OLFM3: variants seen among roughly 807,000 people sequenced by gnomAD.
OLFM3 encodes noelin-3.
A neutral mutation model predicts 48.6 loss-of-function variants in OLFM3; 20 were observed. That is an observed-to-expected ratio of 0.41 (90% CI 0.29 to 0.60). The LOEUF is 0.60. Ranked by LOEUF, OLFM3 falls within the 20% of genes least tolerant of loss-of-function variation. The pLI is 0.28. For missense variants in OLFM3, 437 were observed against 544.3 expected (o/e 0.80, Z 1.96); for synonymous variants, 222 against 198.1 (o/e 1.12, Z -1.01).
intron 1 of OLFM3, among the ~76,000 whole-genome samples, chr1:101,965,778 T>C (rs1244025442): frequency 6.6e-6 from 1 of 152,216 alleles, no homozygotes. Flanking sequence ...ATATTTTATG[T>C]ACTGAAGAGT....
At chr1:101,960,700 T>G (rs1660442108) in intron 1 of OLFM3, among the ~76,000 whole-genome samples, 1 of 152,176 alleles carries the variant, frequency 6.6e-6, no homozygotes, top group Non-Finnish European at 1.5e-5. Context: ...CTCTTTTGAT[T>G]GGCACATTCT....
At position 101,994,765 on chromosome 1, in the gene OLFM3, T is replaced by A. The variant is rs560144397; in HGVS notation, c.69+1983A>T. Among the ~76,000 whole-genome samples, 31 of 151,990 alleles carry A rather than the reference T, an allele frequency of 2.0e-4. 1 individual carries two copies. Among genetic ancestry groups the A allele is most frequent in the African/African-American group, 7.2e-4 (30 of 41,530 alleles). ...ATGATATAGAACAAATATCGTCTTT[T>A]AAAAAAATCATCTTTTGTTCTTTGC... On this transcript the variant is annotated intron_variant, in intron 1 of 5. Coordinates refer to ENST00000370103, the MANE Select transcript of OLFM3 (RefSeq NM_058170.4).
intron 1 of OLFM3, chr1:101,893,460 C>A: frequency 7.3e-6 from 2 of 275,692 alleles, no homozygotes; most frequent in Non-Finnish European, 7.6e-6. Context: ...TCTAGAAATT[C>A]ATATTGACAA....
chr1:101,897,836 G>T (rs976869063), intron 1 of OLFM3, among the ~76,000 whole-genome samples: 2 of 152,042 alleles, frequency 1.3e-5, no homozygotes, highest in Non-Finnish European at 2.9e-5. Context: ...ATGATTTCTA[G>T]AGTAAACAGA....
intron 1 of OLFM3, among the ~76,000 whole-genome samples, chr1:101,885,227 T>G (rs1193798198): frequency 6.6e-6 from 1 of 151,920 alleles, no homozygotes; most frequent in Non-Finnish European, 1.5e-5. Flanking sequence ...TTTGTAGAAA[T>G]TCAAGAGCTA....
At chr1:101,907,336 A>T (rs1172896078) in intron 1 of OLFM3, among the ~76,000 whole-genome samples, 2 of 152,224 alleles carry the variant, frequency 1.3e-5, no homozygotes, top group Non-Finnish European at 2.9e-5. Flanking sequence ...AACCATTTTG[A>T]TGACAATGCC....
At chr1:101,890,065 C>A (rs979851419) in intron 1 of OLFM3, among the ~76,000 whole-genome samples, 3 of 151,944 alleles carry the variant, frequency 2.0e-5, no homozygotes, top group Non-Finnish European at 2.9e-5. Flanking sequence ...TTGTTCACAT[C>A]AAAAGTATGT....
Position 101,803,309 on chromosome 1 carries a change from G to A in OLFM3, c.*929C>T, listed in dbSNP as rs1653580498. On this transcript the variant is annotated 3_prime_UTR_variant, in exon 6 of 6. Transcript: ENST00000370103. ...AATTTCTTTAGTGTATAATAAATGA[G>A]TAGAGTCAACTCAAATCCAATATTT... 6.6e-6 allele frequency: 1 copy of A among 152,072 alleles called. No homozygotes were observed. The highest frequency in any genetic ancestry group is 6.6e-5 in the Admixed American group (1 of 15,182). 9.4% of individuals were successfully genotyped at this position (152,072 alleles called of 1,614,324 possible). A position where few individuals can be genotyped will look rare whatever the true frequency, so the allele number is the denominator to read the frequency against.
chr1:101,922,213 T>A (rs1054533011), intron 1 of OLFM3, among the ~76,000 whole-genome samples: 1 of 152,232 alleles, frequency 6.6e-6, no homozygotes, highest in African/African-American at 2.4e-5. Flanking sequence ...TCTTTCTTCA[T>A]CTTTAATACT....
chr1:101,835,897 T>G (rs1012305439), intron 2 of OLFM3, among the ~76,000 whole-genome samples: 2 of 152,232 alleles, frequency 1.3e-5, no homozygotes, highest in African/African-American at 4.8e-5. Context: ...ATTTTCACTA[T>G]GTAGCAGTGG....
chr1:101,945,803 C>A (rs1659946702), intron 1 of OLFM3, among the ~76,000 whole-genome samples: 1 of 151,676 alleles, frequency 6.6e-6, no homozygotes, highest in East Asian at 1.9e-4. Flanking sequence ...ATGTGTTATC[C>A]CAATAAAGTT....
chr1:101,985,503 A>G (rs942722358), intron 1 of OLFM3, among the ~76,000 whole-genome samples: 4 of 152,186 alleles, frequency 2.6e-5, no homozygotes, highest in Non-Finnish European at 4.4e-5. Context: ...AGTAAACCCA[A>G]TTTCTTGAAT....
At chr1:101,910,421 A>C (rs370906493) in intron 1 of OLFM3, among the ~76,000 whole-genome samples, 1 of 151,334 alleles carries the variant, frequency 6.6e-6, no homozygotes, top group Admixed American at 6.6e-5. Context: ...AGCCGAGATC[A>C]CGCCACTGCA....
At chr1:101,819,704 T>TG (rs376247261) in intron 4 of OLFM3, among the ~76,000 whole-genome samples, 25 of 152,024 alleles carry the variant, frequency 1.6e-4, no homozygotes, top group East Asian at 5.8e-4. Flanking sequence ...TTGAGGTATC[T>TG]GGGGGGGTCT....
At chr1:101,836,682 A>C (rs1655428359) in intron 2 of OLFM3, among the ~76,000 whole-genome samples, 197 bp downstream of exon 2, 1 of 152,148 alleles carries the variant, frequency 6.6e-6, no homozygotes, top group African/African-American at 2.4e-5. Context: ...AGAAAAAGTA[A>C]AAAGTCATAG....
rs1300699684 is a variant in OLFM3, at chr1:101,802,583, T to G, written c.*1655A>C. On this transcript the variant is annotated 3_prime_UTR_variant, in exon 6 of 6. Transcript: ENST00000370103. ...TGTTAAACCTTGACAGTTTCAAGAT[T>G]GGGTTATTTAATTCTACAATTTTGA... is the stretch of plus-strand genomic sequence containing the variant. 5.3e-5 allele frequency: 8 copies of G among 151,664 alleles called. No homozygotes were observed. Among genetic ancestry groups the G allele is most frequent in the Non-Finnish European group, 1.2e-4 (8 of 67,700 alleles). The allele number at this position is 151,664 out of a possible 1,614,324, so 9.4% of individuals were successfully genotyped here.
chr1:101,852,118 C>A (rs1220447956), intron 1 of OLFM3, among the ~76,000 whole-genome samples: 1 of 151,172 alleles, frequency 6.6e-6, no homozygotes, highest in Admixed American at 6.6e-5. Context: ...ATCATAAATA[C>A]CACCATACTT....
chr1:101,838,119 C>T (rs956074412), intron 1 of OLFM3, among the ~76,000 whole-genome samples: 8 of 152,084 alleles, frequency 5.3e-5, no homozygotes, highest in South Asian at 2.1e-4. Flanking sequence ...CCACCTCAGC[C>T]GATATCTCAG....
At chr1:101,912,652 G>A (rs7531673) in intron 1 of OLFM3, among the ~76,000 whole-genome samples, 65,794 of 151,976 alleles carry the variant, frequency 0.43, 14,333 homozygotes, top group East Asian at 0.59. Flanking sequence ...AGAATCATAC[G>A]ATTGAGGTAC....
Sources: gnomAD v4.1 joint callset for allele counts (sites outside exome capture counted in the v4.1 genomes callset) on GRCh38, gnomAD v4.1.1 for gene constraint, MANE v1.5 for transcripts, NCBI Gene and HGNC (gene_info 2026-07-23, HGNC 2026-07-21) for gene names.